RNASET2: variants seen among roughly 807,000 people sequenced by gnomAD.
RNASET2 encodes ribonuclease T2.
Under a neutral mutation model 33.9 loss-of-function variants are expected in RNASET2, and 28 were observed. That is an observed-to-expected ratio of 0.83 (90% CI 0.61 to 1.13). The LOEUF (loss-of-function observed/expected upper bound fraction) is 1.13. Ranked by LOEUF, RNASET2 falls within the 50% of genes most tolerant of loss-of-function variation. The probability of loss-of-function intolerance (pLI) is 0.00; values close to 1 mark genes in which losing one functional copy is unlikely to be tolerated. For missense variants in RNASET2, 330 were observed against 319.9 expected (o/e 1.03, Z -0.24); for synonymous variants, 123 against 121.0 (o/e 1.02, Z -0.11).
chr6:166,937,176 G>A lies in RNASET2; in HGVS notation c.446+1719C>T, dbSNP rs944708607. On this transcript the variant is annotated intron_variant, in intron 6 of 8. Coordinates refer to ENST00000508775, the MANE Select transcript of RNASET2 (RefSeq NM_003730.6). ...TTTTTGAGACAGTTTTGCTCTTTTC[G>A]CACAGGCTGGAGTGCAATGGCACGA... is the stretch of plus-strand genomic sequence containing the variant. Among the ~76,000 whole-genome samples, 7 of 151,714 alleles carry A rather than the reference G, an allele frequency of 4.6e-5. No homozygotes were observed. In the South Asian group the frequency reaches 6.2e-4, roughly 14 times the overall value.
rs1381496643 is a variant in RNASET2, at chr6:166,931,167, T to A, written c.493-49A>T. The A allele has an allele frequency of 4.6e-6, 6 of 1,300,546 alleles. No individual in the cohort carries two copies. The African/African-American group carries it at 7.3e-5, about 16-fold the overall frequency. 80.6% of individuals were successfully genotyped at this position (1,300,546 alleles called of 1,614,324 possible). A position where few individuals can be genotyped will look rare whatever the true frequency, so the allele number is the denominator to read the frequency against. ...AGAAATTAAACTTCAACAGAAAAGA[T>A]CTGACAGTTCTGGACTATCCTGAGC... On this transcript the variant is annotated intron_variant, in intron 7 of 8. Coordinates refer to ENST00000508775, the MANE Select transcript of RNASET2 (RefSeq NM_003730.6).
Position 166,956,376 on chromosome 6 carries a change from G to A in RNASET2, c.-194C>T, listed in dbSNP as rs1583242683. On this transcript the variant is annotated 5_prime_UTR_variant, in exon 1 of 9. Coordinates refer to ENST00000508775, the MANE Select transcript of RNASET2 (RefSeq NM_003730.6). ...TAAACCAGTATCTCGCGGGCCCCGC[G>A]CCGGGCTCCGGGAATGGCCGCAGCA... is the stretch of plus-strand genomic sequence containing the variant. The A allele has an allele frequency of 5.0e-6, 3 of 603,250 alleles. No individual in the cohort carries two copies. Among genetic ancestry groups the A allele is most frequent in the Non-Finnish European group, 8.8e-6 (3 of 340,106 alleles). 37.4% of individuals were successfully genotyped at this position (603,250 alleles called of 1,614,324 possible).
chr6:166,945,830 CAAA>C (rs770959298), intron 4 of RNASET2, among the ~76,000 whole-genome samples: 5 of 72,452 alleles, frequency 6.9e-5, no homozygotes, highest in East Asian at 3.6e-4. Context: ...AACTCTGTCT[CAAA>C]AAAAAAAAAA....
In RNASET2 at chr6:166,947,553, C is replaced by T. The variant is rs76113786; in HGVS notation, c.204-814G>A. Reference sequence around the variant, plus strand: ...GAAACGGCCATGATGGGCAGAGGTACATTCAGAGCACTTGGTCACAGCAGG... The same window carrying T: ...GAAACGGCCATGATGGGCAGAGGTATATTCAGAGCACTTGGTCACAGCAGG... On this transcript the variant is annotated intron_variant, in intron 3 of 8. Coordinates refer to ENST00000508775, the MANE Select transcript of RNASET2 (RefSeq NM_003730.6). Among the ~76,000 whole-genome samples the T allele has an allele frequency of 5.3e-4, 80 of 152,308 alleles. No homozygotes were observed. The East Asian group carries it at 0.013, about 25-fold the overall frequency.
intron 8 of RNASET2, 50 bp downstream of exon 8, chr6:166,930,994 A>G (rs1778422965): frequency 7.7e-7 from 1 of 1,293,396 alleles, no homozygotes; most frequent in South Asian, 1.2e-5. Flanking sequence ...TCAGAAAAGT[A>G]GAACCTGTCT....
In RNASET2 at chr6:166,956,504, A is replaced by C; in HGVS notation, c.-322T>G. The C allele has an allele frequency of 1.5e-5, 6 of 397,164 alleles. No homozygotes were observed. The South Asian group carries it at 1.6e-4, about 10-fold the overall frequency. 24.6% of individuals were successfully genotyped at this position (397,164 alleles called of 1,614,324 possible). The stretch of plus-strand genomic sequence containing the variant: ...GACCCACAGCGACCCCAGCTCCTCC[A>C]CGCTGCAGCCGCCGTCCGCCCACGA... On this transcript the variant is annotated 5_prime_UTR_variant, in exon 1 of 9. Coordinates refer to ENST00000508775, the MANE Select transcript of RNASET2 (RefSeq NM_003730.6).
intron 4 of RNASET2, 103 bp from the exon 5 acceptor site, chr6:166,943,192 T>C: frequency 1.3e-6 from 1 of 765,420 alleles, no homozygotes; most frequent in Non-Finnish European, 2.2e-6. Flanking sequence ...TGAGCTCTGC[T>C]AATTAACAAT....
chr6:166,923,228 C>CTTTTTTTTT lies in RNASET2; in HGVS notation c.*6351_*6359dup, dbSNP rs576639665. 1.3e-4 allele frequency among the ~76,000 whole-genome samples: 13 copies of CTTTTTTTTT among 102,660 alleles called. No homozygotes were observed. The highest frequency in any genetic ancestry group is 4.7e-4 in the African/African-American group (9 of 19,136). 67.3% of individuals were successfully genotyped at this position (102,660 alleles called of 152,430 possible). A position where few individuals can be genotyped will look rare whatever the true frequency, so the allele number is the denominator to read the frequency against. On this transcript the variant is annotated 3_prime_UTR_variant, in exon 9 of 9. Transcript: ENST00000508775. Reference sequence around the variant, plus strand: ...ACAGGCGTGAGCCACCAGGCCCGGCCTTTTTTTTTTTTTTTTTTTTTGAGA... The same window carrying CTTTTTTTTT: ...ACAGGCGTGAGCCACCAGGCCCGGCCTTTTTTTTTTTTTTTTTTTTTTTTTTTTTTGAGA...
rs959733033 is a variant in RNASET2 at position 166,933,240 on chromosome 6, T to C, written c.492+851A>G. Reference sequence around the variant, plus strand: ...GTCCACGTCGTAAATATCCCGGGATTTGTGGATGACACATCGGTCCCTACT... The same window carrying C: ...GTCCACGTCGTAAATATCCCGGGATCTGTGGATGACACATCGGTCCCTACT... On this transcript the variant is annotated intron_variant, in intron 7 of 8. Transcript: ENST00000508775. This position sits in a 1 kb window ranked among gnomAD's most constrained non-coding sequence, Gnocchi z 4.1. 1.3e-5 allele frequency: 2 copies of C among 152,164 alleles called. No homozygotes were observed. Among genetic ancestry groups the C allele is most frequent in the African/African-American group, 4.8e-5 (2 of 41,414 alleles). The allele number at this position is 152,164 out of a possible 1,614,324, so 9.4% of individuals were successfully genotyped here. A position where few individuals can be genotyped will look rare whatever the true frequency, so the allele number is the denominator to read the frequency against.
At chr6:166,943,795 CT>C (rs1402395969) in intron 4 of RNASET2, 14 of 469,378 alleles carry the variant, frequency 3.0e-5, no homozygotes, top group Middle Eastern at 3.2e-4. Flanking sequence ...TGTCTGTAAT[CT>C]CCATCCAATT....
At chr6:166,948,050 T>TA (rs1778890240) in intron 3 of RNASET2, among the ~76,000 whole-genome samples, 1 of 152,114 alleles carries the variant, frequency 6.6e-6, no homozygotes, top group African/African-American at 2.4e-5. Context: ...AACACTATTT[T>TA]AAAAAGTGTT....
At chr6:166,943,739 T>C (rs1048373939) in intron 4 of RNASET2, 3 of 470,238 alleles carry the variant, frequency 6.4e-6, no homozygotes, top group South Asian at 3.1e-5. Flanking sequence ...TAACACACTA[T>C]AGAAGATGTT....
rs1335537295 is a variant in RNASET2, at chr6:166,926,669, G to GCATT, written c.*2915_*2918dup. On this transcript the variant is annotated 3_prime_UTR_variant, in exon 9 of 9. Transcript: ENST00000508775. ...GAGGGATTGCTTTCCAGGTGACAAAGCATTGTCCCCTCCCAGGCCAAGAGA... is the reference window on the plus strand; with the variant it reads ...GAGGGATTGCTTTCCAGGTGACAAAGCATTCATTGTCCCCTCCCAGGCCAAGAGA... Among the ~76,000 whole-genome samples the GCATT allele has an allele frequency of 1.3e-5, 2 of 152,238 alleles. No individual in the cohort carries two copies. The highest frequency in any genetic ancestry group is 4.8e-5 in the African/African-American group (2 of 41,540).
At chr6:166,948,542 C>A (rs1279422634) in intron 3 of RNASET2, 28 bp downstream of exon 3, 16 of 1,468,748 alleles carry the variant, frequency 1.1e-5, no homozygotes, top group Non-Finnish European at 1.5e-5. Context: ...CCTCTTCTGC[C>A]TAAGATTTAA....
rs1463574775 is a variant in RNASET2, at chr6:166,955,313, ACACGCACACACACG to A, written c.86+770_86+783del. Among the ~76,000 whole-genome samples, 15 of 53,026 alleles carry A rather than the reference ACACGCACACACACG, an allele frequency of 2.8e-4. 1 individual carries two copies. The highest frequency in any genetic ancestry group is 4.8e-4 in the Admixed American group (2 of 4,192). 34.8% of individuals were successfully genotyped at this position (53,026 alleles called of 152,430 possible). A position where few individuals can be genotyped will look rare whatever the true frequency, so the allele number is the denominator to read the frequency against. The stretch of plus-strand genomic sequence containing the variant: ...ACGCACAGACGCGCACACACGACAC[ACACGCACACACACG>A]CACGCACGCACACGCACACGCACGC... On this transcript the variant is annotated intron_variant, in intron 1 of 8. Coordinates refer to ENST00000508775, the MANE Select transcript of RNASET2 (RefSeq NM_003730.6).
In RNASET2 at chr6:166,926,734, C is replaced by A. The variant is rs1778311634; in HGVS notation, c.*2854G>T. Among the ~76,000 whole-genome samples the A allele has an allele frequency of 6.6e-6, 1 of 152,130 alleles. No homozygotes were observed. Among genetic ancestry groups the A allele is most frequent in the African/African-American group, 2.4e-5 (1 of 41,418 alleles). On this transcript the variant is annotated 3_prime_UTR_variant, in exon 9 of 9. Transcript: ENST00000508775. ...CAGCAATAGCCCTGCTGAGAAGGGG[C>A]TGGTCTGAAGGAGTTTCATGGGAAC...
At chr6:166,948,029 G>A (rs1450268229) in intron 3 of RNASET2, among the ~76,000 whole-genome samples, 4 of 152,102 alleles carry the variant, frequency 2.6e-5, no homozygotes, top group South Asian at 2.1e-4. Flanking sequence ...GACATGTACC[G>A]AGAATCTGTA....
intron 8 of RNASET2, among the ~76,000 whole-genome samples, chr6:166,930,657 C>T (rs551134842): frequency 1.4e-3 from 204 of 149,676 alleles, no homozygotes; most frequent in Non-Finnish European, 2.4e-3. Flanking sequence ...CTTGCACACA[C>T]AGCACATGCG....
rs992487006 is a variant in RNASET2, at chr6:166,933,245, G to A, written c.492+846C>T. The A allele has an allele frequency of 2.0e-5, 3 of 152,186 alleles. No homozygotes were observed. The highest frequency in any genetic ancestry group is 7.2e-5 in the African/African-American group (3 of 41,430). 9.4% of individuals were successfully genotyped at this position (152,186 alleles called of 1,614,324 possible). A position where few individuals can be genotyped will look rare whatever the true frequency, so the allele number is the denominator to read the frequency against. On this transcript the variant is annotated intron_variant, in intron 7 of 8. Transcript: ENST00000508775. The surrounding 1 kb of genome is among the most constrained non-coding windows in gnomAD (Gnocchi z 4.1). ...CGTCGTAAATATCCCGGGATTTGTG[G>A]ATGACACATCGGTCCCTACTGCAGC...
Sources: allele counts gnomAD v4.1 joint callset (sites outside exome capture counted in the v4.1 genomes callset), GRCh38; gene constraint gnomAD v4.1.1; non-coding constraint Gnocchi (gnomAD v3.1); transcripts MANE v1.5; gene names NCBI Gene and HGNC (gene_info 2026-07-23, HGNC 2026-07-21).